JADE2: variants seen among roughly 807,000 people sequenced by gnomAD.
JADE2 encodes jade family PHD finger 2, also known as E3 ubiquitin-protein ligase Jade-2.
A neutral mutation model predicts 85.7 loss-of-function variants in JADE2; 13 were observed. The observed-to-expected ratio is 0.15, with a 90% CI of 0.10 to 0.24. The LOEUF is 0.24. JADE2 is among the 10% of genes least tolerant of loss of function. The pLI, the probability that JADE2 is intolerant of heterozygous loss-of-function variation, is 1.00. For missense variants in JADE2, 846 were observed against 1,115.9 expected (o/e 0.76, Z 3.45); for synonymous variants, 440 against 456.1 (o/e 0.96, Z 0.45).
At chr5:134,526,610 C>G in intron 1 of JADE2, 1 of 985,434 alleles carries the variant, frequency 1.0e-6, no homozygotes, top group Non-Finnish European at 1.2e-6. Flanking sequence ...AGACACCTTC[C>G]GGGGGCCACC....
chr5:134,577,091 A>G, intron 11 of JADE2, 195 bp downstream of exon 11: 1 of 599,370 alleles, frequency 1.7e-6, no homozygotes, highest in Non-Finnish European at 2.8e-6. Flanking sequence ...CCCGTGTGAC[A>G]TCCTGGGAAA....
chr5:134,566,704 G>C lies in JADE2; in HGVS notation c.1434+124G>C. On this transcript the variant is annotated intron_variant, in intron 9 of 11. Transcript: ENST00000681547. This position sits in a 1 kb window ranked among gnomAD's most constrained non-coding sequence, Gnocchi z 6.7. ...CTCAAACTGTGAGCTCTGGTGGACC[G>C]GCCCTGCTGCAGGAGCCTGCCAAGG... 1 of 757,858 alleles carries C rather than the reference G, an allele frequency of 1.3e-6. No individual in the cohort carries two copies. Among genetic ancestry groups the C allele is most frequent in the South Asian group, 1.9e-5 (1 of 53,734 alleles). 46.9% of individuals were successfully genotyped at this position (757,858 alleles called of 1,614,324 possible).
chr5:134,576,454 C>T (rs1462072360), intron 10 of JADE2, among the ~76,000 whole-genome samples: 1 of 152,170 alleles, frequency 6.6e-6, no homozygotes, highest in South Asian at 2.1e-4. Flanking sequence ...CTGCCCTGTC[C>T]AGACTCCCTT....
At position 134,578,783 on chromosome 5, in the gene JADE2, C is replaced by T. The variant is rs115890725; in HGVS notation, c.1971C>T (p.Asp657=). 391 of 1,613,772 alleles carry T rather than the reference C, an allele frequency of 2.4e-4. No individual in the cohort carries two copies. The African/African-American group carries it at 4.0e-3, about 16-fold the overall frequency. Residue 657 remains aspartate, a synonymous_variant, in exon 12 of 12, where the codon GAC becomes GAT. Transcript: ENST00000681547. This position sits in a 1 kb window ranked among gnomAD's most constrained non-coding sequence, Gnocchi z 4.4. ...KKKPPPPPPQ[D]GPGSRTTPDK... is the part of the protein sequence containing the mutation. ...AACCACCACCACCACCACCGCAGGA[C>T]GGGCCTGGTTCACGGACGACTCCAG...
chr5:134,566,514 G>T lies in JADE2; in HGVS notation c.1368G>T (p.Gln456His). The T allele has an allele frequency of 6.2e-7, 1 of 1,604,632 alleles. No individual in the cohort carries two copies. The highest frequency in any genetic ancestry group is 8.5e-7 in the Non-Finnish European group (1 of 1,175,548). ...CCGACGAGGTGGACAACCTGGCCCAGCAGGAGCAGGACGTCCTCTACCGCC... is the reference window on the plus strand; with the variant it reads ...CCGACGAGGTGGACAACCTGGCCCATCAGGAGCAGGACGTCCTCTACCGCC... ...PKTDEVDNLA[Q>H]QEQDVLYRRL... Residue 456 changes from glutamine to histidine, a missense_variant, in exon 9 of 12, where the codon CAG becomes CAT. Around this residue, in one of 9 missense-constraint regions of JADE2, gnomAD observed 88 missense variants for 140.6 expected, o/e 0.63. Transcript: ENST00000681547. The surrounding 1 kb of genome is among the most constrained non-coding windows in gnomAD (Gnocchi z 6.7).
At chr5:134,565,929 C>T (rs1027171490) in intron 8 of JADE2, among the ~76,000 whole-genome samples, 187 bp from the exon 9 acceptor site, 4 of 151,758 alleles carry the variant, frequency 2.6e-5, no homozygotes, top group Non-Finnish European at 4.4e-5. Flanking sequence ...TTCCAGGCAC[C>T]CCAGAGCTCC....
At chr5:134,539,332 G>A (rs1039489878) in intron 3 of JADE2, among the ~76,000 whole-genome samples, 8 of 152,222 alleles carry the variant, frequency 5.3e-5, no homozygotes, top group Admixed American at 1.3e-4. Flanking sequence ...CAAAGTGCTG[G>A]GATTACAGGC....
rs1415771266 is a variant in JADE2 at position 134,583,146 on chromosome 5, CCCACCAGGG to C, written c.*3831_*3839del. 2 of 152,670 alleles carry C rather than the reference CCCACCAGGG, an allele frequency of 1.3e-5. No individual in the cohort carries two copies. The highest frequency in any genetic ancestry group is 2.9e-5 in the Non-Finnish European group (2 of 68,082). 9.5% of individuals were successfully genotyped at this position (152,670 alleles called of 1,614,324 possible). ...CTCATGGGGGCTTCCAGACCCCGGC[CCCACCAGGG>C]CTTGTGTCATAGGGAGCCCTTTGCA... On this transcript the variant is annotated 3_prime_UTR_variant, in exon 12 of 12. Coordinates refer to ENST00000681547, the MANE Select transcript of JADE2 (RefSeq NM_001388185.1).
At position 134,579,229 on chromosome 5, in the gene JADE2, A is replaced by T; in HGVS notation, c.2417A>T (p.Asp806Val). The T allele has an allele frequency of 6.2e-7, 1 of 1,614,102 alleles. No individual in the cohort carries two copies. The highest frequency in any genetic ancestry group is 8.5e-7 in the Non-Finnish European group (1 of 1,180,016). Residue 806 changes from aspartate (D) to valine (V), a missense_variant, in exon 12 of 12, where the codon GAT becomes GTT. Transcript: ENST00000681547. This position sits in a 1 kb window ranked among gnomAD's most constrained non-coding sequence, Gnocchi z 4.6. ...TCTGATGGGGAGATGAGCGACTCAGATGTAGAGGCCGAGGACGGTGGGGTG... is the reference window on the plus strand; with the variant it reads ...TCTGATGGGGAGATGAGCGACTCAGTTGTAGAGGCCGAGGACGGTGGGGTG... ...YFSDGEMSDS[D>V]VEAEDGGVQR...
intron 3 of JADE2, among the ~76,000 whole-genome samples, chr5:134,549,093 G>A (rs1266626601): frequency 6.6e-6 from 1 of 152,190 alleles, no homozygotes; most frequent in African/African-American, 2.4e-5. Context: ...AGCAATGTGA[G>A]TCGACCAGGT....
chr5:134,574,911 G>A (rs1011431721), intron 10 of JADE2: 1 of 152,290 alleles, frequency 6.6e-6, no homozygotes, highest in African/African-American at 2.4e-5. Context: ...AGGGATAGAA[G>A]TATCAGGGAT....
chr5:134,530,822 G>A (rs973006674), intron 1 of JADE2, among the ~76,000 whole-genome samples: 19 of 152,076 alleles, frequency 1.2e-4, no homozygotes, highest in Non-Finnish European at 2.4e-4. Context: ...AAACAAGGGC[G>A]AAATCTTGGG....
intron 7 of JADE2, chr5:134,564,224 G>C: frequency 3.2e-6 from 1 of 313,564 alleles, no homozygotes. Flanking sequence ...ACACACTGAC[G>C]GCACACTCAC....
intron 2 of JADE2, chr5:134,536,512 G>A (rs754129925): frequency 1.3e-5 from 2 of 152,278 alleles, no homozygotes; most frequent in Non-Finnish European, 2.9e-5. Context: ...TGGTTGCGGG[G>A]AGGGGTGCGT....
chr5:134,548,608 G>A (rs1006897154), intron 3 of JADE2, among the ~76,000 whole-genome samples: 3 of 152,230 alleles, frequency 2.0e-5, no homozygotes, highest in African/African-American at 7.2e-5. Flanking sequence ...GACCCAGGAT[G>A]AAACGTGGAA....
chr5:134,525,652 C>T (rs1760752305), upstream of JADE2: 2 of 1,159,258 alleles, frequency 1.7e-6, no homozygotes, highest in African/African-American at 1.9e-5. Context: ...ACAAGGAAGT[C>T]TTGGTTTAAA....
intron 1 of JADE2, chr5:134,533,572 G>A (rs1285113804): frequency 3.9e-5 from 38 of 985,126 alleles, no homozygotes; most frequent in Non-Finnish European, 4.3e-5. Context: ...TTCGCTTACA[G>A]GATTGCAAAA....
chr5:134,573,744 G>A lies in JADE2; in HGVS notation c.1534G>A (p.Glu512Lys), dbSNP rs779441470. 6.2e-7 allele frequency: 1 copy of A among 1,610,872 alleles called. No homozygotes were observed. Among genetic ancestry groups the A allele is most frequent in the Non-Finnish European group, 8.5e-7 (1 of 1,177,006 alleles). ...QIFHLQMKLI[E>K]QDLCRERSGR... ...ATTCCACCTGCAGATGAAACTTATT[G>A]AACAGGATCTGTGTCGAGGTAGGCG... The change falls in exon 10 of 12, where the codon GAA becomes AAA. Residue 512 changes from glutamate (E) to lysine (K), a missense_variant. By Grantham distance (56) the Glu-to-Lys change is moderately conservative. Around this residue, in one of 9 missense-constraint regions of JADE2, gnomAD observed 119 missense variants for 163.9 expected, o/e 0.73. Coordinates refer to ENST00000681547, the MANE Select transcript of JADE2 (RefSeq NM_001388185.1).
chr5:134,560,022 C>T (rs1298380301), intron 5 of JADE2, 32 bp downstream of exon 5: 26 of 1,612,090 alleles, frequency 1.6e-5, no homozygotes, highest in Admixed American at 8.4e-5. Flanking sequence ...AATGGGATCA[C>T]GGCTGGGCAG....
Sources: allele counts gnomAD v4.1 joint callset (sites outside exome capture counted in the v4.1 genomes callset), GRCh38; gene constraint gnomAD v4.1.1; regional missense constraint gnomAD v4.1.1; non-coding constraint Gnocchi (gnomAD v3.1); transcripts MANE v1.5; gene names NCBI Gene and HGNC (gene_info 2026-07-23, HGNC 2026-07-21).